GRB2: variants seen among roughly 807,000 people sequenced by gnomAD.
GRB2 encodes growth factor receptor bound protein 2.
Under a neutral mutation model 27.4 loss-of-function variants are expected in GRB2, and 2 were observed. The ratio of observed to expected loss-of-function variants is 0.07; its 90% CI spans 0.03 to 0.23. The LOEUF is 0.23. GRB2 is among the 10% of genes least tolerant of loss of function. GRB2 has a pLI of 1.00. For missense variants in GRB2, 102 were observed against 282.4 expected (o/e 0.36, Z 4.58); for synonymous variants, 94 against 99.6 (o/e 0.94, Z 0.33).
intron 2 of GRB2, among the ~76,000 whole-genome samples, chr17:75,382,777 G>T (rs2078937491): frequency 6.6e-6 from 1 of 152,068 alleles, no homozygotes; most frequent in Non-Finnish European, 1.5e-5. Flanking sequence ...GGCACTATCT[G>T]GGATCACTGC....
chr17:75,365,280 G>A (rs376518367), intron 2 of GRB2, among the ~76,000 whole-genome samples: 8 of 151,914 alleles, frequency 5.3e-5, no homozygotes, highest in Admixed American at 6.6e-5. Flanking sequence ...GATCTCCTAC[G>A]GTTAACTTTC....
chr17:75,357,879 C>T (rs1251206827), intron 2 of GRB2, among the ~76,000 whole-genome samples: 1 of 152,144 alleles, frequency 6.6e-6, no homozygotes, highest in Non-Finnish European at 1.5e-5. Context: ...CAAGATCGCG[C>T]CACTGCACTC....
intron 2 of GRB2, among the ~76,000 whole-genome samples, chr17:75,334,295 C>T (rs1304787190): frequency 2.6e-5 from 4 of 152,060 alleles, no homozygotes; most frequent in African/African-American, 4.8e-5. Context: ...CTCAGCCTCC[C>T]GAGTGGCTGG....
chr17:75,359,688 C>T (rs4350602), intron 2 of GRB2, among the ~76,000 whole-genome samples: 85,474 of 151,740 alleles, frequency 0.56, 29,201 homozygotes, highest in East Asian at 0.86. Flanking sequence ...AAGCTACCTG[C>T]GGTTTCCCAA....
chr17:75,335,519 C>T (rs1276086361), intron 2 of GRB2, among the ~76,000 whole-genome samples: 4 of 152,142 alleles, frequency 2.6e-5, no homozygotes, highest in Non-Finnish European at 5.9e-5. Flanking sequence ...GACAGATGAT[C>T]GACAACTAGC....
At chr17:75,334,040 C>T (rs1017897078) in intron 2 of GRB2, among the ~76,000 whole-genome samples, 7 of 152,158 alleles carry the variant, frequency 4.6e-5, no homozygotes, top group African/African-American at 1.7e-4. Context: ...CAGTAGTCCT[C>T]CTTATCATGA....
chr17:75,394,608 A>AC (rs2079018974), intron 1 of GRB2, among the ~76,000 whole-genome samples: 1 of 151,924 alleles, frequency 6.6e-6, no homozygotes, highest in Non-Finnish European at 1.5e-5. Flanking sequence ...ATTTCTAACT[A>AC]ACCTAAGGAG....
intron 2 of GRB2, among the ~76,000 whole-genome samples, chr17:75,356,654 T>G (rs1372798538): frequency 1.3e-5 from 2 of 152,196 alleles, no homozygotes; most frequent in Admixed American, 6.5e-5. Flanking sequence ...CCAAGCACGA[T>G]TCCGCTCGTA....
chr17:75,340,815 T>C lies in GRB2; in HGVS notation c.79-8018A>G, dbSNP rs2078615725. 2.0e-5 allele frequency among the ~76,000 whole-genome samples: 3 copies of C among 152,230 alleles called. No individual in the cohort carries two copies. In the South Asian group the frequency reaches 6.2e-4, roughly 32 times the overall value. On this transcript the variant is annotated intron_variant, in intron 2 of 5. Transcript: ENST00000316804. Reference sequence around the variant, plus strand: ...AAAACATCTTGGCAATGCTGCCTGCTATGCTGTGTGCCAAATCATGAAAAA... The same window carrying C: ...AAAACATCTTGGCAATGCTGCCTGCCATGCTGTGTGCCAAATCATGAAAAA...
Position 75,323,436 on chromosome 17 carries a change from G to A in GRB2, c.300-1609C>T, listed in dbSNP as rs560081603. ...AATGCAGGTGGTTTCTAAGAGCCCA[G>A]GGCCCCAATAATGAGCAGTGTTTCA... On this transcript the variant is annotated intron_variant, in intron 4 of 5. Transcript: ENST00000316804. 3.3e-5 allele frequency among the ~76,000 whole-genome samples: 5 copies of A among 152,284 alleles called. No homozygotes were observed. The South Asian group carries it at 1.0e-3, about 32-fold the overall frequency.
Position 75,332,789 on chromosome 17 carries a change from G to A in GRB2, c.87C>T (p.Asn29=), listed in dbSNP as rs777798261. The change falls in exon 3 of 6, where the codon AAC becomes AAT. Residue 29 remains asparagine (N), a synonymous_variant. Transcript: ENST00000316804. ...FKRGDILKVL[N]EECDQNWYKA... is the part of the protein sequence containing the mutation. ...TGTACCAGTTCTGATCACATTCTTC[G>A]TTCAAAACCTGAAAAGAAATAAGAC... 101 of 1,595,076 alleles carry A rather than the reference G, an allele frequency of 6.3e-5. No homozygotes were observed. The Admixed American group carries it at 1.6e-3, about 25-fold the overall frequency.
chr17:75,324,441 C>T (rs1432476258), intron 4 of GRB2, among the ~76,000 whole-genome samples: 1 of 138,148 alleles, frequency 7.2e-6, no homozygotes, highest in African/African-American at 2.8e-5. Context: ...AACTTCTGAC[C>T]TCAGGTGATC....
intron 2 of GRB2, among the ~76,000 whole-genome samples, chr17:75,348,980 A>T (rs1195829305): frequency 1.3e-5 from 2 of 152,206 alleles, no homozygotes; most frequent in East Asian, 3.8e-4. Context: ...CCAACCCAGC[A>T]ACATGTTTCT....
rs551149305 is a variant in GRB2 at position 75,333,209 on chromosome 17, G to C, written c.79-412C>G. Among the ~76,000 whole-genome samples the C allele has an allele frequency of 1.1e-4, 16 of 152,214 alleles. No homozygotes were observed. The East Asian group carries it at 3.1e-3, about 29-fold the overall frequency. ...TCCTGCCACAGCCTCCCGAGTAGCT[G>C]GGATTACAGGCGCATGCCACGTTGC... On this transcript the variant is annotated intron_variant, in intron 2 of 5. Transcript: ENST00000316804.
intron 2 of GRB2, among the ~76,000 whole-genome samples, chr17:75,391,747 G>T (rs932550286): frequency 6.6e-6 from 1 of 151,312 alleles, no homozygotes; most frequent in Non-Finnish European, 1.5e-5. Flanking sequence ...GGTGGAGCTT[G>T]CGGTGAGCCC....
At chr17:75,335,564 G>GATAC (rs756224994) in intron 2 of GRB2, among the ~76,000 whole-genome samples, 230 of 152,282 alleles carry the variant, frequency 1.5e-3, no homozygotes, top group Non-Finnish European at 2.6e-3. Flanking sequence ...TCTTAACAGA[G>GATAC]GGTATGCCCT....
chr17:75,338,777 G>T, intron 2 of GRB2: 1 of 655,580 alleles, frequency 1.5e-6, no homozygotes. Context: ...GCTTTACACA[G>T]AAGAATTAAA....
chr17:75,334,478 T>C (rs2078563248), intron 2 of GRB2, among the ~76,000 whole-genome samples: 1 of 152,042 alleles, frequency 6.6e-6, no homozygotes, highest in South Asian at 2.1e-4. Flanking sequence ...GCCGATTTAT[T>C]TATTTTGCCC....
intron 2 of GRB2, among the ~76,000 whole-genome samples, chr17:75,360,450 G>T (rs775358790): frequency 4.6e-5 from 7 of 152,172 alleles, no homozygotes; most frequent in African/African-American, 7.2e-5. Context: ...CCTAGTAACT[G>T]AAGTCACAAA....
Sources: gnomAD v4.1 joint callset for allele counts (sites outside exome capture counted in the v4.1 genomes callset) on GRCh38, gnomAD v4.1.1 for gene constraint, MANE v1.5 for transcripts, NCBI Gene and HGNC (gene_info 2026-07-23, HGNC 2026-07-21) for gene names.